Variants in LMBR1 observed in about 807,000 individuals in gnomAD.
The protein encoded by LMBR1 is limb development membrane protein 1.
A neutral mutation model predicts 73.9 loss-of-function variants in LMBR1; 52 were observed. That is an observed-to-expected ratio of 0.70 (90% CI 0.56 to 0.89). The LOEUF (loss-of-function observed/expected upper bound fraction) is 0.89, where lower values mean the gene tolerates loss of function less well. Among genes scored for constraint, LMBR1 ranks in the 40% least tolerant of loss-of-function variants. The pLI is 0.00. For missense variants in LMBR1, 539 were observed against 579.8 expected (o/e 0.93, Z 0.72); for synonymous variants, 215 against 209.4 (o/e 1.03, Z -0.23).
intron 15 of LMBR1, among the ~76,000 whole-genome samples, chr7:156,722,160 T>C (rs764696213): frequency 5.3e-5 from 8 of 152,144 alleles, no homozygotes; most frequent in Non-Finnish European, 1.0e-4. Context: ...CATTCCATTG[T>C]AAGTGATGGG....
chr7:156,892,888 G>A, intron 1 of LMBR1, 40 bp downstream of exon 1: 2 of 1,398,678 alleles, frequency 1.4e-6, no homozygotes, highest in South Asian at 1.5e-5. Flanking sequence ...GGCCCGGGCG[G>A]GCACGCGGGA....
rs1346793750 is a variant in LMBR1 at position 156,670,259 on chromosome 7, C to T, written n.867-972G>A. Among the ~76,000 whole-genome samples the T allele has an allele frequency of 6.6e-6, 1 of 152,200 alleles. No homozygotes were observed. Among genetic ancestry groups the T allele is most frequent in the Admixed American group, 6.5e-5 (1 of 15,278 alleles). On this transcript the variant is annotated intron_variant and non_coding_transcript_variant, in intron 4 of 4. Coordinates refer to the LMBR1 transcript ENST00000430825. The surrounding 1 kb of genome is among the most constrained non-coding windows in gnomAD (Gnocchi z 4.3). ...GGAGCTGGATGCTAAGCACGGCTGG[C>T]TCTACTGTTTTGACTTTGGCTCTTG...
intron 4 of LMBR1, among the ~76,000 whole-genome samples, chr7:156,817,653 C>T (rs1374707639): frequency 6.6e-6 from 1 of 151,994 alleles, no homozygotes; most frequent in Non-Finnish European, 1.5e-5. Flanking sequence ...TAACTTTTTT[C>T]TTAAAAAACA....
At chr7:156,877,362 A>T (rs901871406) in intron 1 of LMBR1, among the ~76,000 whole-genome samples, 2 of 152,134 alleles carry the variant, frequency 1.3e-5, no homozygotes, top group Non-Finnish European at 2.9e-5. Context: ...ACACTATTCC[A>T]CAAGATAAAG....
intron 3 of LMBR1, 158 bp downstream of exon 3, chr7:156,833,595 A>G (rs1298082938): frequency 9.7e-6 from 4 of 413,052 alleles, no homozygotes; most frequent in Admixed American, 6.0e-5. Flanking sequence ...TTATCCACAC[A>G]TATTTGCTTA....
At chr7:156,864,153 C>T (rs900755813) in intron 1 of LMBR1, among the ~76,000 whole-genome samples, 1 of 119,934 alleles carries the variant, frequency 8.3e-6, no homozygotes, top group Non-Finnish European at 1.9e-5. Context: ...CTCTGTCTCA[C>T]AAAAAAAATA....
chr7:156,864,185 C>A (rs894570444), intron 1 of LMBR1, among the ~76,000 whole-genome samples: 3 of 152,012 alleles, frequency 2.0e-5, no homozygotes, highest in Admixed American at 2.0e-4. Flanking sequence ...ATAAAAATAG[C>A]TAGTGAAAAG....
intron 5 of LMBR1, among the ~76,000 whole-genome samples, chr7:156,768,090 T>C (rs147182533): frequency 6.6e-6 from 1 of 152,148 alleles, no homozygotes; most frequent in South Asian, 2.1e-4. Flanking sequence ...AATATTTAAA[T>C]AAACAGAAAA....
intron 9 of LMBR1, among the ~76,000 whole-genome samples, chr7:156,749,144 C>G (rs1407668690): frequency 6.6e-6 from 1 of 152,188 alleles, no homozygotes; most frequent in African/African-American, 2.4e-5. Context: ...TCAAAATATT[C>G]TCCCTTCAGT....
intron 5 of LMBR1, among the ~76,000 whole-genome samples, chr7:156,779,362 G>A (rs1180704083): frequency 6.6e-6 from 1 of 152,130 alleles, no homozygotes; most frequent in African/African-American, 2.4e-5. Flanking sequence ...GTACTTTTCT[G>A]CCAATGAAAC....
chr7:156,862,054 C>G (rs1797795666), intron 1 of LMBR1, among the ~76,000 whole-genome samples: 1 of 152,212 alleles, frequency 6.6e-6, no homozygotes, highest in African/African-American at 2.4e-5. Context: ...TCTCATTCTC[C>G]TGGTATGAAT....
intron 9 of LMBR1, among the ~76,000 whole-genome samples, chr7:156,754,602 T>C (rs79944823): frequency 0.04 from 6,137 of 152,232 alleles, 399 homozygotes; most frequent in African/African-American, 0.14. Flanking sequence ...GAATTCTTTT[T>C]AATAGCAAGA....
At chr7:156,768,158 G>A (rs1161457365) in intron 5 of LMBR1, among the ~76,000 whole-genome samples, 1 of 152,092 alleles carries the variant, frequency 6.6e-6, no homozygotes, top group Non-Finnish European at 1.5e-5. Context: ...GGCCAAGGGG[G>A]ATGGATCCCT....
intron 5 of LMBR1, among the ~76,000 whole-genome samples, chr7:156,774,021 C>CA (rs34888198): frequency 2.0e-5 from 3 of 150,586 alleles, no homozygotes; most frequent in Admixed American, 6.6e-5. Context: ...CATTAATAAG[C>CA]AAAAAAAAAA....
intron 2 of LMBR1, 127 bp from the exon 3 acceptor site, chr7:156,833,919 C>T (rs999906298): frequency 1.1e-5 from 7 of 625,166 alleles, no homozygotes; most frequent in African/African-American, 3.8e-5. Flanking sequence ...TTTCAAAAAG[C>T]ACTGTATTTG....
intron 16 of LMBR1, among the ~76,000 whole-genome samples, chr7:156,687,058 T>C (rs1402748728): frequency 6.6e-6 from 1 of 152,226 alleles, no homozygotes; most frequent in Non-Finnish European, 1.5e-5. Flanking sequence ...TGAAATCTTT[T>C]GTGCCTCCCA....
chr7:156,771,300 T>C (rs1375340768), intron 5 of LMBR1, among the ~76,000 whole-genome samples: 1 of 151,838 alleles, frequency 6.6e-6, no homozygotes, highest in Non-Finnish European at 1.5e-5. Flanking sequence ...GTTGATTCTT[T>C]GAAAGAAAAA....
chr7:156,671,109 T>C (rs571308293), intron 4 of LMBR1, among the ~76,000 whole-genome samples: 10 of 152,306 alleles, frequency 6.6e-5, no homozygotes, highest in South Asian at 2.1e-4. Context: ...GCTAAAAGAA[T>C]AGAAACAGAG....
downstream of LMBR1, chr7:156,675,672 T>TTGCCGC: frequency 6.3e-7 from 1 of 1,599,404 alleles, no homozygotes; most frequent in South Asian, 1.1e-5. Context: ...GGTGTGAGCT[T>TTGCCGC]ACCCGCCCCC....
Sources: gnomAD v4.1 joint callset for allele counts (sites outside exome capture counted in the v4.1 genomes callset) on GRCh38, gnomAD v4.1.1 for gene constraint, Gnocchi (gnomAD v3.1) non-coding constraint, MANE v1.5 for transcripts, NCBI Gene and HGNC (gene_info 2026-07-23, HGNC 2026-07-21) for gene names.